Variants in SGCZ observed in about 807,000 individuals in gnomAD.
The protein encoded by SGCZ is sarcoglycan zeta.
A neutral mutation model predicts 41.3 loss-of-function variants in SGCZ; 40 were observed. The observed-to-expected ratio is 0.97, with a 90% confidence interval of 0.75 to 1.26. SGCZ has a LOEUF of 1.26. SGCZ is among the 50% of genes most tolerant of loss of function. SGCZ has a pLI of 0.00. For synonymous variants in SGCZ, 206 were observed against 137.5 expected (o/e 1.50, Z -3.49); for missense variants, 552 against 369.8 (o/e 1.49, Z -4.04).
rs762080170 is a variant in SGCZ at position 14,090,506 on chromosome 8, G to A, written c.876C>T (p.Tyr292=). The A allele has an allele frequency of 1.2e-6, 2 of 1,613,066 alleles. No homozygotes were observed. Among genetic ancestry groups the A allele is most frequent in the Non-Finnish European group, 8.5e-7 (1 of 1,179,400 alleles). The change falls in exon 8 of 8, where the codon TAC becomes TAT. Residue 292 remains tyrosine, a synonymous_variant. Transcript: ENST00000382080. ...ELCVCPNGKL[Y]LSPAGVGSTC... is the part of the protein sequence containing the mutation. ...TGGAACCTACTCCTGCTGGAGAAAG[G>A]TAAAGTTTGCCATTGGGGCAGACGC...
intron 1 of SGCZ, among the ~76,000 whole-genome samples, chr8:14,770,696 C>A (rs561585219): frequency 6.6e-6 from 1 of 151,888 alleles, no homozygotes. Context: ...TATAGTATGC[C>A]ATAAAGTGCT....
At chr8:14,858,368 G>A (rs1156570452) in intron 1 of SGCZ, among the ~76,000 whole-genome samples, 1 of 151,852 alleles carries the variant, frequency 6.6e-6, no homozygotes, top group African/African-American at 2.4e-5. Context: ...ATTGTTTGAC[G>A]CTTTTTCAAA....
intron 1 of SGCZ, among the ~76,000 whole-genome samples, chr8:14,858,418 T>C (rs1056038963): frequency 1.3e-5 from 2 of 152,138 alleles, no homozygotes; most frequent in African/African-American, 2.4e-5. Flanking sequence ...AATTGTAGTG[T>C]GACAATTATT....
intron 1 of SGCZ, among the ~76,000 whole-genome samples, chr8:14,779,759 A>T (rs183290362): frequency 6.6e-6 from 1 of 152,334 alleles, no homozygotes; most frequent in Non-Finnish European, 1.5e-5. Context: ...AAGGGATTCA[A>T]CAGTAGCAGA....
chr8:14,982,459 T>A (rs546917975), intron 1 of SGCZ, among the ~76,000 whole-genome samples: 2 of 152,198 alleles, frequency 1.3e-5, no homozygotes, highest in African/African-American at 4.8e-5. Context: ...GAGAGTGTAA[T>A]TGTATCAATG....
At position 14,777,183 on chromosome 8, in the gene SGCZ, C is replaced by T. The variant is rs145889780; in HGVS notation, c.40-222257G>A. On this transcript the variant is annotated intron_variant, in intron 1 of 7. Coordinates refer to ENST00000382080, the MANE Select transcript of SGCZ (RefSeq NM_139167.4). ...GGACGTTTATCTAAAGTTAATCCAT[C>T]CTAAGAGAAACTAGGGCATTTCACT... 2.9e-3 allele frequency among the ~76,000 whole-genome samples: 445 copies of T among 152,196 alleles called. 3 individuals are homozygous for T. Among genetic ancestry groups the T allele is most frequent in the African/African-American group, 0.01 (425 of 41,528 alleles).
At chr8:14,346,616 T>A (rs1399136639) in intron 2 of SGCZ, among the ~76,000 whole-genome samples, 2 of 152,042 alleles carry the variant, frequency 1.3e-5, no homozygotes, top group African/African-American at 4.8e-5. Context: ...TCATTTATCT[T>A]ATCACAAAAT....
intron 1 of SGCZ, among the ~76,000 whole-genome samples, chr8:14,922,346 A>AT (rs1441278429): frequency 6.6e-6 from 1 of 152,180 alleles, no homozygotes; most frequent in Non-Finnish European, 1.5e-5. Context: ...TAAAAACATC[A>AT]TGCACTCAGA....
At chr8:14,335,026 A>G (rs1048542041) in intron 2 of SGCZ, among the ~76,000 whole-genome samples, 24 of 152,146 alleles carry the variant, frequency 1.6e-4, no homozygotes, top group African/African-American at 5.8e-4. Context: ...GTAAATGTCA[A>G]CAGAGAAAGG....
intron 4 of SGCZ, among the ~76,000 whole-genome samples, chr8:14,216,956 G>A (rs1343010536): frequency 6.6e-6 from 1 of 152,124 alleles, no homozygotes; most frequent in Non-Finnish European, 1.5e-5. Flanking sequence ...TGACGTATTG[G>A]TAGTGACCCA....
intron 1 of SGCZ, among the ~76,000 whole-genome samples, chr8:14,655,881 TGC>T (rs1807549755): frequency 6.6e-6 from 1 of 152,112 alleles, no homozygotes; most frequent in African/African-American, 2.4e-5. Flanking sequence ...CTTTTGTGGT[TGC>T]CTTTTTTACT....
intron 1 of SGCZ, among the ~76,000 whole-genome samples, chr8:14,988,030 G>A (rs1801883258): frequency 6.6e-6 from 1 of 151,840 alleles, no homozygotes; most frequent in Admixed American, 6.6e-5. Flanking sequence ...TCTTATTTGA[G>A]CCTACCATCC....
chr8:14,838,532 T>C (rs924915852), intron 1 of SGCZ, among the ~76,000 whole-genome samples: 1 of 152,140 alleles, frequency 6.6e-6, no homozygotes, highest in African/African-American at 2.4e-5. Context: ...ACCCCAATAG[T>C]GTAGAACCTG....
intron 1 of SGCZ, among the ~76,000 whole-genome samples, chr8:15,018,130 C>G (rs1682590868): frequency 6.6e-6 from 1 of 152,120 alleles, no homozygotes; most frequent in African/African-American, 2.4e-5. Flanking sequence ...TATACATATT[C>G]TACCCTTCCA....
chr8:14,868,103 C>T (rs1410392441), intron 1 of SGCZ, among the ~76,000 whole-genome samples: 3 of 152,058 alleles, frequency 2.0e-5, no homozygotes, highest in East Asian at 1.9e-4. Context: ...ACTTGTAAGC[C>T]TCTGCGTTCG....
intron 2 of SGCZ, among the ~76,000 whole-genome samples, chr8:14,452,505 T>G (rs1043993551): frequency 7.9e-5 from 12 of 151,792 alleles, no homozygotes; most frequent in African/African-American, 2.9e-4. Context: ...ATAATAATAA[T>G]AAAATAATGA....
At chr8:14,828,256 T>G (rs755969606) in intron 1 of SGCZ, among the ~76,000 whole-genome samples, 2 of 152,168 alleles carry the variant, frequency 1.3e-5, no homozygotes, top group Non-Finnish European at 2.9e-5. Context: ...TGAGATGATA[T>G]TGAAGATGAA....
intron 1 of SGCZ, among the ~76,000 whole-genome samples, chr8:15,224,301 T>G (rs1221757441): frequency 6.6e-6 from 1 of 152,280 alleles, no homozygotes; most frequent in South Asian, 2.1e-4. Context: ...ATAATAAAAT[T>G]GAAGAACATT....
At chr8:14,298,910 C>A (rs1275353198) in intron 3 of SGCZ, among the ~76,000 whole-genome samples, 1 of 151,886 alleles carries the variant, frequency 6.6e-6, no homozygotes, top group Admixed American at 6.6e-5. Flanking sequence ...ATTTGGATAT[C>A]TTATAGTACT....
Sources: allele counts gnomAD v4.1 joint callset (sites outside exome capture counted in the v4.1 genomes callset), GRCh38; gene constraint gnomAD v4.1.1; transcripts MANE v1.5; gene names NCBI Gene and HGNC (gene_info 2026-07-23, HGNC 2026-07-21).